COL23A1: variants seen among roughly 807,000 people sequenced by gnomAD.
The protein encoded by COL23A1 is collagen alpha-1(XXIII) chain.
In COL23A1, 97 loss-of-function variants were observed where a neutral mutation model predicts 99.3. The ratio of observed to expected loss-of-function variants is 0.98; its 90% CI spans 0.83 to 1.16. COL23A1 has a LOEUF of 1.16. Ranked by LOEUF, COL23A1 falls within the 50% of genes most tolerant of loss-of-function variation. The pLI, the probability that COL23A1 is intolerant of heterozygous loss-of-function variation, is 0.00. For synonymous variants in COL23A1, 320 were observed against 308.2 expected, an observed-to-expected ratio of 1.04 and a Z score of -0.40; for missense variants, 762 against 757.4, an observed-to-expected ratio of 1.01 and a Z score of -0.07.
Position 178,294,131 on chromosome 5 carries a change from T to C in COL23A1, c.407-3762A>G, listed in dbSNP as rs549203132. ...GGGGCCAGGGTCATAGTTCTCAAAATGCAGATCTGATCCTGACACTTCCCT... is the reference window on the plus strand; with the variant it reads ...GGGGCCAGGGTCATAGTTCTCAAAACGCAGATCTGATCCTGACACTTCCCT... On this transcript the variant is annotated intron_variant, in intron 3 of 28. Transcript: ENST00000390654. Among the ~76,000 whole-genome samples the C allele has an allele frequency of 2.6e-5, 4 of 152,220 alleles. No homozygotes were observed. The South Asian group carries it at 6.2e-4, about 24-fold the overall frequency.
intron 2 of COL23A1, among the ~76,000 whole-genome samples, chr5:178,314,042 G>C (rs1346493979): frequency 6.6e-6 from 1 of 152,098 alleles, no homozygotes; most frequent in Non-Finnish European, 1.5e-5. Context: ...GAAGGAGTAG[G>C]TGTGTCCCGG....
Position 178,310,006 on chromosome 5 carries a change from G to A in COL23A1, c.362-3087C>T, listed in dbSNP as rs1758585802. 6.6e-6 allele frequency among the ~76,000 whole-genome samples: 1 copy of A among 152,202 alleles called. No homozygotes were observed. The highest frequency in any genetic ancestry group is 2.4e-5 in the African/African-American group (1 of 41,460). The stretch of plus-strand genomic sequence containing the variant: ...GGCCTCAGGTCTCCTCACTGCTTCT[G>A]GGATTCTCCTGAAAAGACTGCAAGT... On this transcript the variant is annotated intron_variant, in intron 2 of 28. Transcript: ENST00000390654. The surrounding 1 kb of genome is among the most constrained non-coding windows in gnomAD (Gnocchi z 4.3).
chr5:178,401,846 G>T (rs1054997539), intron 2 of COL23A1, among the ~76,000 whole-genome samples: 1 of 151,934 alleles, frequency 6.6e-6, no homozygotes, highest in South Asian at 2.1e-4. Flanking sequence ...ATGGAGTCTC[G>T]CTCTTGTTGC....
At chr5:178,331,648 G>A (rs1760028216) in intron 2 of COL23A1, among the ~76,000 whole-genome samples, 1 of 152,152 alleles carries the variant, frequency 6.6e-6, no homozygotes, top group South Asian at 2.1e-4. Context: ...AACACCATAG[G>A]GCGCCTGAGT....
intron 2 of COL23A1, among the ~76,000 whole-genome samples, chr5:178,539,963 A>T (rs1761200243): frequency 6.6e-6 from 1 of 152,236 alleles, no homozygotes; most frequent in Non-Finnish European, 1.5e-5. Flanking sequence ...CCATCCTAAA[A>T]ATCAATTAAT....
intron 2 of COL23A1, among the ~76,000 whole-genome samples, chr5:178,494,000 A>T (rs953608612): frequency 7.8e-6 from 1 of 127,636 alleles, no homozygotes; most frequent in Non-Finnish European, 1.9e-5. Context: ...ACTACTTAAG[A>T]AATTGGAATT....
intron 2 of COL23A1, chr5:178,345,130 A>G: frequency 1.6e-6 from 1 of 616,282 alleles, no homozygotes. Context: ...ATGGTCATCT[A>G]AAGTTCAATC....
At chr5:178,555,689 G>T (rs1418334883) in intron 2 of COL23A1, among the ~76,000 whole-genome samples, 1 of 152,222 alleles carries the variant, frequency 6.6e-6, no homozygotes, top group African/African-American at 2.4e-5. Flanking sequence ...CTTGGCTCCA[G>T]GACACGTGGA....
At chr5:178,269,991 TGCCTGTGCCTGC>T (rs1165625622) in intron 6 of COL23A1, among the ~76,000 whole-genome samples, 1 of 152,234 alleles carries the variant, frequency 6.6e-6, no homozygotes, top group East Asian at 1.9e-4. Flanking sequence ...GAGGACACTG[TGCCTGTGCCTGC>T]TGGGAGGTGC....
At chr5:178,450,620 T>C (rs972019216) in intron 2 of COL23A1, among the ~76,000 whole-genome samples, 4 of 152,214 alleles carry the variant, frequency 2.6e-5, no homozygotes, top group Non-Finnish European at 1.5e-5. Flanking sequence ...GTCTCTGTCA[T>C]AGCAGCCCAA....
intron 2 of COL23A1, among the ~76,000 whole-genome samples, chr5:178,524,389 T>A (rs1320348512): frequency 6.6e-6 from 1 of 152,172 alleles, no homozygotes; most frequent in Non-Finnish European, 1.5e-5. Flanking sequence ...TGAGAATAAC[T>A]GGGTCACATG....
At chr5:178,314,204 C>G (rs544490838) in intron 2 of COL23A1, among the ~76,000 whole-genome samples, 1 of 137,750 alleles carries the variant, frequency 7.3e-6, no homozygotes, top group African/African-American at 2.7e-5. Flanking sequence ...TCAACAAATA[C>G]AGTTCATTCC....
chr5:178,418,746 A>G (rs548110093), intron 2 of COL23A1, among the ~76,000 whole-genome samples: 2 of 152,358 alleles, frequency 1.3e-5, no homozygotes, highest in East Asian at 3.9e-4. Context: ...ACAAGCCTCC[A>G]GTCCGTGCAG....
At chr5:178,491,042 AAGAGAGAGG>A (rs1466786943) in intron 2 of COL23A1, among the ~76,000 whole-genome samples, 2 of 151,746 alleles carry the variant, frequency 1.3e-5, no homozygotes, top group Admixed American at 6.6e-5. Flanking sequence ...GCTAAGAGAG[AAGAGAGAGG>A]AGAGAGAGAG....
intron 2 of COL23A1, among the ~76,000 whole-genome samples, chr5:178,504,260 T>C (rs1407704311): frequency 1.3e-5 from 2 of 152,078 alleles, no homozygotes; most frequent in Non-Finnish European, 2.9e-5. Context: ...TAAGAGAAAC[T>C]GCTAAGTTGG....
At chr5:178,491,078 G>A (rs532158922) in intron 2 of COL23A1, among the ~76,000 whole-genome samples, 2 of 151,296 alleles carry the variant, frequency 1.3e-5, no homozygotes, top group Admixed American at 6.6e-5. Flanking sequence ...AGGAAAGAAG[G>A]AGAAGAGAGA....
intron 2 of COL23A1, among the ~76,000 whole-genome samples, chr5:178,549,147 C>T (rs552264890): frequency 6.6e-6 from 1 of 152,244 alleles, no homozygotes; most frequent in African/African-American, 2.4e-5. Context: ...GCGCATGCCA[C>T]CACACCCGGC....
intron 2 of COL23A1, among the ~76,000 whole-genome samples, chr5:178,505,717 C>T (rs1171730888): frequency 6.6e-6 from 1 of 152,104 alleles, no homozygotes; most frequent in Non-Finnish European, 1.5e-5. Context: ...ACAATTCAAC[C>T]CATAACACGA....
At chr5:178,277,741 C>G (rs1459356746) in intron 5 of COL23A1, among the ~76,000 whole-genome samples, 2 of 151,796 alleles carry the variant, frequency 1.3e-5, no homozygotes, top group African/African-American at 4.9e-5. Flanking sequence ...TCATGGCTAG[C>G]AGAGGTGGTG....
Sources: gnomAD v4.1 joint callset for allele counts (sites outside exome capture counted in the v4.1 genomes callset) on GRCh38, gnomAD v4.1.1 for gene constraint, Gnocchi (gnomAD v3.1) non-coding constraint, MANE v1.5 for transcripts, NCBI Gene and HGNC (gene_info 2026-07-23, HGNC 2026-07-21) for gene names.